Variants in PTGDS observed in about 807,000 individuals in gnomAD.
PTGDS encodes the protein prostaglandin D2 synthase.
Under a neutral mutation model 28.4 loss-of-function variants are expected in PTGDS, and 21 were observed. The ratio of observed to expected loss-of-function variants is 0.74; its 90% CI spans 0.52 to 1.07. The LOEUF (loss-of-function observed/expected upper bound fraction) is 1.07, where lower values mean the gene tolerates loss of function less well. Among genes scored for constraint, PTGDS ranks in the 50% least tolerant of loss-of-function variants. The pLI, the probability that PTGDS is intolerant of heterozygous loss-of-function variation, is 0.00. For synonymous variants in PTGDS, 102 were observed against 106.0 expected (o/e 0.96, Z 0.23); for missense variants, 243 against 247.7 (o/e 0.98, Z 0.13).
In PTGDS at chr9:136,979,141, G is replaced by A; in HGVS notation, c.254+9G>A. The A allele has an allele frequency of 1.2e-6, 2 of 1,612,872 alleles. No homozygotes were observed. Among genetic ancestry groups the A allele is most frequent in the Non-Finnish European group, 1.7e-6 (2 of 1,179,780 alleles). ...ACCTCCACCTTCCTCAGGTGGGACA[G>A]CGGGCAGGTGGGTTTCTGGGACGGA... is the stretch of plus-strand genomic sequence containing the variant. On this transcript the variant is annotated intron_variant, in intron 2 of 6. Transcript: ENST00000371625.
Position 136,978,940 on chromosome 9 carries a change from G to A in PTGDS, c.115-53G>A, listed in dbSNP as rs576705069. 250 of 1,591,400 alleles carry A rather than the reference G, an allele frequency of 1.6e-4. 1 individual carries two copies. The African/African-American group carries it at 2.8e-3, about 18-fold the overall frequency. The stretch of plus-strand genomic sequence containing the variant: ...GGCAGAGGCGCCCCCGCAGGTAGGC[G>A]CAGGTGGGTCCGGAGGGTCCTGGCC... On this transcript the variant is annotated intron_variant, in intron 1 of 6. Coordinates refer to ENST00000371625, the MANE Select transcript of PTGDS (RefSeq NM_000954.6).
At chr9:136,978,827 T>A in intron 1 of PTGDS, 166 bp from the exon 2 acceptor site, 1 of 761,600 alleles carries the variant, frequency 1.3e-6, no homozygotes, top group East Asian at 3.4e-5. Flanking sequence ...GGGGCGGGGG[T>A]CAGTTCCTGG....
At chr9:136,978,652 A>G (rs1348206071) in intron 1 of PTGDS, among the ~76,000 whole-genome samples, 22 of 76,422 alleles carry the variant, frequency 2.9e-4, no homozygotes, top group Non-Finnish European at 3.7e-4. Flanking sequence ...TGTGGACATG[A>G]AGGGCGGGGC....
At chr9:136,979,175 G>T in intron 2 of PTGDS, 43 bp downstream of exon 2, 1 of 1,613,084 alleles carries the variant, frequency 6.2e-7, no homozygotes, top group African/African-American at 1.3e-5. Flanking sequence ...GAGAGGTCCA[G>T]GGACACCCTC....
At chr9:136,980,122 C>A (rs1399746944) in intron 4 of PTGDS, 60 bp downstream of exon 4, 1 of 1,607,844 alleles carries the variant, frequency 6.2e-7, no homozygotes, top group African/African-American at 1.3e-5. Context: ...TCCCCAAGAC[C>A]CAGGGCAGGG....
intron 1 of PTGDS, among the ~76,000 whole-genome samples, chr9:136,978,408 G>A (rs897252499): frequency 3.3e-5 from 5 of 150,292 alleles, no homozygotes; most frequent in Middle Eastern, 3.5e-3. Flanking sequence ...GGGGGTGCTG[G>A]GTGTCAGGGG....
At chr9:136,979,675 C>A (rs1213625982) in intron 3 of PTGDS, 1 of 608,886 alleles carries the variant, frequency 1.6e-6, no homozygotes, top group Non-Finnish European at 2.9e-6. Context: ...GGGGAAACCT[C>A]TTCACTTCCG....
chr9:136,980,043 C>G lies in PTGDS; in HGVS notation c.429C>G (p.Phe143Leu). 1 of 1,612,482 alleles carries G rather than the reference C, an allele frequency of 6.2e-7. No homozygotes were observed. Among genetic ancestry groups the G allele is most frequent in the Non-Finnish European group, 8.5e-7 (1 of 1,179,682 alleles). Residue 143 changes from phenylalanine (F) to leucine (L), a missense_variant, in exon 4 of 7, where the codon TTC (phenylalanine) becomes TTG (leucine). Transcript: ENST00000371625. ...SQGSKGPGED[F>L]RMATLYSRTQ... ...GCAGCAAGGGCCCTGGCGAGGACTTCCGCATGGCCACCCTCTACAGTACGT... is the reference window on the plus strand; with the variant it reads ...GCAGCAAGGGCCCTGGCGAGGACTTGCGCATGGCCACCCTCTACAGTACGT...
intron 5 of PTGDS, 46 bp from the exon 6 acceptor site, chr9:136,980,787 C>G (rs1260774571): frequency 1.2e-6 from 2 of 1,614,016 alleles, no homozygotes; most frequent in Admixed American, 3.3e-5. Context: ...GAAAATTGGC[C>G]TAAGTCTGGG....
chr9:136,978,353 G>C (rs1830400084), intron 1 of PTGDS, among the ~76,000 whole-genome samples: 2 of 151,892 alleles, frequency 1.3e-5, no homozygotes, highest in East Asian at 3.9e-4. Flanking sequence ...CTGGTGGGCG[G>C]CGTGCGAGGG....
At position 136,980,108 on chromosome 9, in the gene PTGDS, G is replaced by A. The variant is rs1353775504; in HGVS notation, c.448+46G>A. On this transcript the variant is annotated intron_variant, in intron 4 of 6. Transcript: ENST00000371625. ...GCCCACACGCAGGCCTGACCAGAGG[G>A]GGCTCCCCAAGACCCAGGGCAGGGC... The A allele has an allele frequency of 5.0e-6, 8 of 1,606,570 alleles. No homozygotes were observed. The South Asian group carries it at 6.6e-5, about 13-fold the overall frequency.
intron 5 of PTGDS, 164 bp from the exon 6 acceptor site, chr9:136,980,669 T>C (rs766974749): frequency 1.3e-6 from 2 of 1,577,226 alleles, no homozygotes; most frequent in South Asian, 2.3e-5. Context: ...AGACCCTCTC[T>C]TTGTTTCCAG....
chr9:136,979,101 G>A lies in PTGDS; in HGVS notation c.223G>A (p.Gly75Ser). Residue 75 changes from glycine (G) to serine (S), a missense_variant, in exon 2 of 7, where the codon GGT (glycine) becomes AGT (serine). Coordinates refer to ENST00000371625, the MANE Select transcript of PTGDS (RefSeq NM_000954.6). ...CKSVVAPATD[G>S]GLNLTSTFLR... The stretch of plus-strand genomic sequence containing the variant: ...GTCTGTGGTGGCCCCTGCCACGGAT[G>A]GTGGCCTCAACCTGACCTCCACCTT... 1 of 1,612,024 alleles carries A rather than the reference G, an allele frequency of 6.2e-7. No homozygotes were observed. Among genetic ancestry groups the A allele is most frequent in the Non-Finnish European group, 8.5e-7 (1 of 1,179,406 alleles).
chr9:136,981,200 T>C (rs1830444810), intron 6 of PTGDS: 1 of 323,714 alleles, frequency 3.1e-6, no homozygotes, highest in Non-Finnish European at 5.6e-6. Context: ...GTCTGGCTCC[T>C]GGGCTAGGAG....
rs1360199856 is a variant in PTGDS at position 136,978,545 on chromosome 9, C to G, written c.115-448C>G. Reference sequence around the variant, plus strand: ...GCCACCTCCCGGGGCGGGGCGGGGGCCTGATGGGCGTGGTCAGCTCCTGGG... The same window carrying G: ...GCCACCTCCCGGGGCGGGGCGGGGGGCTGATGGGCGTGGTCAGCTCCTGGG... On this transcript the variant is annotated intron_variant, in intron 1 of 6. Transcript: ENST00000371625. Among the ~76,000 whole-genome samples, 487 of 74,962 alleles carry G rather than the reference C, an allele frequency of 6.5e-3. 20 individuals are homozygous for G. Among genetic ancestry groups the G allele is most frequent in the African/African-American group, 0.025 (451 of 18,150 alleles). The allele number at this position is 74,962 out of a possible 152,430, so 49.2% of individuals were successfully genotyped here. A position where few individuals can be genotyped will look rare whatever the true frequency, so the allele number is the denominator to read the frequency against.
chr9:136,979,779 G>A (rs1830425706), intron 3 of PTGDS, 167 bp from the exon 4 acceptor site: 2 of 730,080 alleles, frequency 2.7e-6, no homozygotes, highest in African/African-American at 3.5e-5. Context: ...TTCACAGGCT[G>A]TGCAGGCGAG....
At position 136,979,854 on chromosome 9, in the gene PTGDS, G is replaced by A. The variant is rs1462974501; in HGVS notation, c.332-92G>A. On this transcript the variant is annotated intron_variant, in intron 3 of 6. Coordinates refer to ENST00000371625, the MANE Select transcript of PTGDS (RefSeq NM_000954.6). ...TCCCGGGCCAGCCGAGGGGCTGAGT[G>A]CCCCCAAAGCCCACAGGTGCACCCC... is the stretch of plus-strand genomic sequence containing the variant. 4 of 1,216,282 alleles carry A rather than the reference G, an allele frequency of 3.3e-6. No homozygotes were observed. The South Asian group carries it at 3.6e-5, about 11-fold the overall frequency. The allele number at this position is 1,216,282 out of a possible 1,614,324, so 75.3% of individuals were successfully genotyped here. A position where few individuals can be genotyped will look rare whatever the true frequency, so the allele number is the denominator to read the frequency against.
chr9:136,980,426 C>A, intron 5 of PTGDS, 142 bp downstream of exon 5: 2 of 990,748 alleles, frequency 2.0e-6, no homozygotes, highest in Non-Finnish European at 2.9e-6. Context: ...GGTGAGTGTT[C>A]AAGTCAGAAC....
intron 1 of PTGDS, 102 bp downstream of exon 1, chr9:136,977,794 C>CGCAGTGCCGG (rs1830388861): frequency 3.5e-6 from 4 of 1,145,500 alleles, no homozygotes; most frequent in Admixed American, 2.7e-5. Flanking sequence ...AGCGAAGTCC[C>CGCAGTGCCGG]GCAGTGCCGG....
Sources: gnomAD v4.1 joint callset for allele counts (sites outside exome capture counted in the v4.1 genomes callset) on GRCh38, gnomAD v4.1.1 for gene constraint, MANE v1.5 for transcripts, NCBI Gene and HGNC (gene_info 2026-07-23, HGNC 2026-07-21) for gene names.